Variants in EYS observed in about 807,000 individuals in gnomAD.
EYS encodes the protein EGF-like photoreceptor maintenance factor, also known as protein eyes shut homolog.
In EYS, 250 loss-of-function variants were observed where a neutral mutation model predicts 282.1. That is an observed-to-expected ratio of 0.89 (90% CI 0.80 to 0.98). The LOEUF (loss-of-function observed/expected upper bound fraction) is 0.98, where lower values mean the gene tolerates loss of function less well. Ranked by LOEUF, EYS falls within the 50% of genes least tolerant of loss-of-function variation. The pLI, the probability that EYS is intolerant of heterozygous loss-of-function variation, is 0.00. For missense variants in EYS, 4,016 were observed against 3,709.0 expected (o/e 1.08, Z -2.15); for synonymous variants, 1,355 against 1,282.9 (o/e 1.06, Z -1.20).
chr6:65,153,769 G>C (rs1352912273), intron 12 of EYS, among the ~76,000 whole-genome samples: 1 of 151,716 alleles, frequency 6.6e-6, no homozygotes, highest in Non-Finnish European at 1.5e-5. Context: ...GCAGAATATA[G>C]TCATGTAAAA....
At chr6:64,234,702 A>G (rs2150339856) in intron 30 of EYS, among the ~76,000 whole-genome samples, 1 of 152,274 alleles carries the variant, frequency 6.6e-6, no homozygotes, top group Middle Eastern at 3.4e-3. Flanking sequence ...ACTCTCCACC[A>G]TATATCCTCA....
chr6:65,426,666 T>C (rs1409116963), intron 5 of EYS, among the ~76,000 whole-genome samples: 1 of 152,120 alleles, frequency 6.6e-6, no homozygotes, highest in Non-Finnish European at 1.5e-5. Flanking sequence ...ACAGAGATAA[T>C]ATGATGAATA....
At chr6:65,615,628 T>G (rs1025466649) in intron 2 of EYS, among the ~76,000 whole-genome samples, 2 of 152,038 alleles carry the variant, frequency 1.3e-5, no homozygotes, top group African/African-American at 4.8e-5. Flanking sequence ...TTCTCAGATA[T>G]GGTTACTTAG....
At chr6:63,734,540 G>A (rs1768862193) in intron 41 of EYS, among the ~76,000 whole-genome samples, 1 of 152,130 alleles carries the variant, frequency 6.6e-6, no homozygotes. Context: ...GGTAAGAAGT[G>A]ATGGTGGCTT....
chr6:64,870,406 T>A, intron 19 of EYS, among the ~76,000 whole-genome samples: 1 of 145,920 alleles, frequency 6.9e-6, no homozygotes. Flanking sequence ...ACAAAAACAA[T>A]TACCCCCCTC....
At chr6:65,002,003 T>C (rs183611506) in intron 13 of EYS, among the ~76,000 whole-genome samples, 1 of 147,052 alleles carries the variant, frequency 6.8e-6, no homozygotes, top group Admixed American at 6.8e-5. Context: ...TGCATTTTCA[T>C]ATCTTAGAAA....
rs1477124508 is a variant in EYS, at chr6:64,238,649, AT to A, written c.6192-7826del. Reference sequence around the variant, plus strand: ...CAAGTGAGAACATGCAAAAATCATGATTTTTAATGGCTGTTTATGTTCCATC... The same window carrying A: ...CAAGTGAGAACATGCAAAAATCATGATTTTAATGGCTGTTTATGTTCCATC... On this transcript the variant is annotated intron_variant, in intron 30 of 42. Coordinates refer to ENST00000503581, the MANE Select transcript of EYS (RefSeq NM_001142800.2). 4.6e-5 allele frequency among the ~76,000 whole-genome samples: 7 copies of A among 152,254 alleles called. No homozygotes were observed. In the East Asian group the frequency reaches 1.4e-3, roughly 29 times the overall value.
Position 64,181,253 on chromosome 6 carries a change from A to G in EYS, c.6424+49339T>C, listed in dbSNP as rs1016551825. Among the ~76,000 whole-genome samples, 13 of 152,298 alleles carry G rather than the reference A, an allele frequency of 8.5e-5. No individual in the cohort carries two copies. In the South Asian group the frequency reaches 2.7e-3, roughly 32 times the overall value. On this transcript the variant is annotated intron_variant, in intron 31 of 42. Transcript: ENST00000503581. ...CACTGGACATTAAAGATTTTAGATT[A>G]AAAGCAATGGTCTGCTTGTATAAAT...
chr6:63,742,080 C>T (rs1205300481), intron 41 of EYS: 2 of 666,332 alleles, frequency 3.0e-6, no homozygotes, highest in Admixed American at 2.0e-5. Context: ...ATCTTTGAAA[C>T]CTCTTTAACT....
chr6:64,230,499 C>T lies in EYS; in HGVS notation c.6424+93G>A, dbSNP rs1005867551. The T allele has an allele frequency of 2.1e-5, 16 of 765,344 alleles. No homozygotes were observed. The South Asian group carries it at 2.7e-4, about 13-fold the overall frequency. The allele number at this position is 765,344 out of a possible 1,614,324, so 47.4% of individuals were successfully genotyped here. ...CAGCTGTTTCTTGTTTGTGCTAGTA[C>T]CCATCACTAAGTTTACAATACATTT... On this transcript the variant is annotated intron_variant, in intron 31 of 42. Coordinates refer to ENST00000503581, the MANE Select transcript of EYS (RefSeq NM_001142800.2).
intron 40 of EYS, chr6:63,777,773 A>T (rs1305724805): frequency 2.2e-6 from 1 of 450,064 alleles, no homozygotes; most frequent in Non-Finnish European, 4.0e-6. Flanking sequence ...CTGGAATGAG[A>T]TGTAGTGATT....
intron 7 of EYS, among the ~76,000 whole-genome samples, chr6:65,397,336 A>T (rs979111569): frequency 8.6e-5 from 13 of 151,752 alleles, no homozygotes; most frequent in Non-Finnish European, 1.6e-4. Flanking sequence ...TGAACATTTT[A>T]CCCAATAGTT....
chr6:64,707,770 C>T (rs1771082508), intron 22 of EYS, among the ~76,000 whole-genome samples: 2 of 151,354 alleles, frequency 1.3e-5, no homozygotes, highest in African/African-American at 2.4e-5. Flanking sequence ...TAACCAAATC[C>T]CACTGGTTAC....
intron 41 of EYS, among the ~76,000 whole-genome samples, chr6:63,760,335 T>G (rs546724087): frequency 1.3e-5 from 2 of 152,130 alleles, no homozygotes; most frequent in South Asian, 4.1e-4. Flanking sequence ...AAGATAGCTA[T>G]AACATAAATG....
intron 5 of EYS, among the ~76,000 whole-genome samples, chr6:65,448,735 T>C (rs908150831): frequency 2.0e-5 from 3 of 152,068 alleles, no homozygotes. Context: ...AATTTTTTTC[T>C]ATCTTTTTAA....
intron 1 of EYS, among the ~76,000 whole-genome samples, chr6:65,676,133 G>C (rs140059531): frequency 1.3e-5 from 2 of 151,162 alleles, no homozygotes; most frequent in African/African-American, 2.4e-5. Flanking sequence ...ATAAAGAAAA[G>C]GTATCTCAAA....
intron 12 of EYS, among the ~76,000 whole-genome samples, chr6:65,280,726 A>G (rs769828481): frequency 5.3e-5 from 8 of 151,898 alleles, no homozygotes; most frequent in Non-Finnish European, 1.2e-4. Context: ...ACATAGAAAT[A>G]ATAACACCTG....
At chr6:64,863,293 CTCTGTTGAGACTTTT>C (rs1288461871) in intron 19 of EYS, among the ~76,000 whole-genome samples, 1 of 152,132 alleles carries the variant, frequency 6.6e-6, no homozygotes, top group African/African-American at 2.4e-5. Context: ...CTTTCCCTTT[CTCTGTTGAGACTTTT>C]ACCTATTTAT....
chr6:65,593,910 C>T (rs1414591689), intron 2 of EYS, among the ~76,000 whole-genome samples: 1 of 151,894 alleles, frequency 6.6e-6, no homozygotes, highest in East Asian at 1.9e-4. Context: ...ACTGAGTCTA[C>T]AGCACTATTG....
Sources: allele counts gnomAD v4.1 joint callset (sites outside exome capture counted in the v4.1 genomes callset), GRCh38; gene constraint gnomAD v4.1.1; transcripts MANE v1.5; gene names NCBI Gene and HGNC (gene_info 2026-07-23, HGNC 2026-07-21).